The following FAM13A variants were observed in gnomAD, a reference collection of about 807,000 sequenced individuals.
FAM13A encodes the protein family with sequence similarity 13 member A.
A neutral mutation model predicts 129.6 loss-of-function variants in FAM13A; 76 were observed. The ratio of observed to expected loss-of-function variants is 0.59; its 90% CI spans 0.49 to 0.71. The LOEUF (loss-of-function observed/expected upper bound fraction) is 0.71, where lower values mean the gene tolerates loss of function less well. Among genes scored for constraint, FAM13A ranks in the 30% least tolerant of loss-of-function variants. The pLI, the probability that FAM13A is intolerant of heterozygous loss-of-function variation, is 0.00. For missense variants in FAM13A, 1,108 were observed against 1,249.3 expected (o/e 0.89, Z 1.70); for synonymous variants, 443 against 449.9 (o/e 0.98, Z 0.20).
intron 6 of FAM13A, among the ~76,000 whole-genome samples, chr4:88,871,354 A>T (rs892858378): frequency 2.6e-5 from 4 of 152,180 alleles, no homozygotes; most frequent in African/African-American, 7.2e-5. Flanking sequence ...CTTCGAGCTA[A>T]AGGAGGATGT....
In FAM13A at chr4:88,738,934, C is replaced by T. The variant is rs563242144; in HGVS notation, c.2562+96G>A. The T allele has an allele frequency of 2.1e-5, 17 of 801,436 alleles. No homozygotes were observed. The East Asian group carries it at 4.0e-4, about 19-fold the overall frequency. The allele number at this position is 801,436 out of a possible 1,614,324, so 49.6% of individuals were successfully genotyped here. On this transcript the variant is annotated intron_variant, in intron 20 of 23. Transcript: ENST00000264344. ...GCTGATTCAGCAATTAAAGCCTATTCTTTAATGAGAAAGCAGGTTAGGGCC... is the reference window on the plus strand; with the variant it reads ...GCTGATTCAGCAATTAAAGCCTATTTTTTAATGAGAAAGCAGGTTAGGGCC...
intron 5 of FAM13A, among the ~76,000 whole-genome samples, chr4:88,909,945 A>G (rs553444588): frequency 6.6e-6 from 1 of 152,354 alleles, no homozygotes; most frequent in African/African-American, 2.4e-5. Context: ...CCATGTAAAG[A>G]ACGTTCCCAC....
rs536495668 is a variant in FAM13A, at chr4:88,865,882, T to C, written c.844-14699A>G. On this transcript the variant is annotated intron_variant, in intron 6 of 23. Transcript: ENST00000264344. ...AACTTTTTCCTTTGTCTCTCTCTTT[T>C]TTTTTTTTTTTTTTTTTTTTTTTTT... Among the ~76,000 whole-genome samples the C allele has an allele frequency of 4.4e-3, 548 of 125,728 alleles. 6 individuals are homozygous for C. The highest frequency in any genetic ancestry group is 7.8e-3 in the African/African-American group (245 of 31,506). The allele number at this position is 125,728 out of a possible 152,430, so 82.5% of individuals were successfully genotyped here.
intron 4 of FAM13A, among the ~76,000 whole-genome samples, chr4:88,980,371 T>C (rs1347679406): frequency 6.6e-6 from 1 of 152,172 alleles, no homozygotes; most frequent in Non-Finnish European, 1.5e-5. Flanking sequence ...GTTACTTTTG[T>C]AATAAAAACA....
chr4:88,888,997 T>C (rs1744921249), intron 6 of FAM13A, among the ~76,000 whole-genome samples: 1 of 150,500 alleles, frequency 6.6e-6, no homozygotes, highest in South Asian at 2.1e-4. Context: ...GTAGGAAAGC[T>C]GCATAGTTGA....
chr4:88,808,428 T>A (rs902727725), intron 7 of FAM13A, among the ~76,000 whole-genome samples: 11 of 152,164 alleles, frequency 7.2e-5, no homozygotes, highest in African/African-American at 2.4e-4. Flanking sequence ...CAAAACATCT[T>A]TAACAAAGAT....
chr4:88,938,754 T>G (rs1217944246), intron 4 of FAM13A, among the ~76,000 whole-genome samples: 1 of 152,220 alleles, frequency 6.6e-6, no homozygotes, highest in African/African-American at 2.4e-5. Flanking sequence ...TTCTTTTGAA[T>G]GTACTTAAAA....
At chr4:88,843,511 T>C (rs1208464500) in intron 7 of FAM13A, among the ~76,000 whole-genome samples, 4 of 152,142 alleles carry the variant, frequency 2.6e-5, no homozygotes, top group African/African-American at 2.4e-5. Flanking sequence ...GTAATTGGAG[T>C]GCCCTTTATG....
intron 1 of FAM13A, among the ~76,000 whole-genome samples, chr4:89,054,404 A>G (rs143792000): frequency 2.6e-5 from 4 of 152,238 alleles, no homozygotes; most frequent in Non-Finnish European, 5.9e-5. Context: ...GTTGCTACAT[A>G]TATGTATAAG....
At chr4:88,817,920 T>C (rs1175503932) in intron 7 of FAM13A, among the ~76,000 whole-genome samples, 1 of 152,210 alleles carries the variant, frequency 6.6e-6, no homozygotes, top group African/African-American at 2.4e-5. Context: ...CAACATACCC[T>C]TTACATCTGA....
chr4:88,747,659 G>C lies in FAM13A; in HGVS notation c.2354C>G (p.Ala785Gly). 6.2e-7 allele frequency: 1 copy of C among 1,614,076 alleles called. No homozygotes were observed. The highest frequency in any genetic ancestry group is 8.5e-7 in the Non-Finnish European group (1 of 1,179,992). ...SIQRKLQEKR[A>G]ESSRPEDIKD... ...AATGTCCTCAGGGCGGCTGCTTTCCGCTCGCTTCTCCTGGAGCTTCCTCTG... is the reference window on the plus strand; with the variant it reads ...AATGTCCTCAGGGCGGCTGCTTTCCCCTCGCTTCTCCTGGAGCTTCCTCTG... The change falls in exon 18 of 24, where the codon GCG (alanine) becomes GGG (glycine). Residue 785 changes from alanine (A) to glycine (G), a missense_variant. Around this residue, in one of 3 missense-constraint regions of FAM13A, gnomAD observed 529 missense variants for 621.2 expected, o/e 0.85. Coordinates refer to ENST00000264344, the MANE Select transcript of FAM13A (RefSeq NM_014883.4).
At chr4:88,743,932 T>C (rs949759746) in intron 19 of FAM13A, among the ~76,000 whole-genome samples, 1 of 152,214 alleles carries the variant, frequency 6.6e-6, no homozygotes, top group African/African-American at 2.4e-5. Flanking sequence ...ATCATCAAAC[T>C]GCTAGAAGGA....
chr4:88,925,349 C>T (rs1034105650), intron 5 of FAM13A, among the ~76,000 whole-genome samples: 13 of 152,254 alleles, frequency 8.5e-5, no homozygotes, highest in East Asian at 5.8e-4. Context: ...ATGTGGCACA[C>T]ATACACCACG....
chr4:88,950,946 G>T (rs553439123), intron 4 of FAM13A, among the ~76,000 whole-genome samples: 1 of 152,194 alleles, frequency 6.6e-6, no homozygotes, highest in Non-Finnish European at 1.5e-5. Context: ...CAGAGAACCT[G>T]CATTAGATAG....
rs199936595 is a variant in FAM13A at position 88,944,212 on chromosome 4, C to CA, written c.606-5972dup. Among the ~76,000 whole-genome samples the CA allele has an allele frequency of 5.1e-3, 782 of 152,218 alleles. 9 individuals are homozygous for CA. The highest frequency in any genetic ancestry group is 0.017 in the African/African-American group (720 of 41,524). The stretch of plus-strand genomic sequence containing the variant: ...ACCCTCATTTTAAAAATTAGCTGGG[C>CA]ATGATGGCATGCGCCTATGGTTCCA... On this transcript the variant is annotated intron_variant, in intron 4 of 23. Coordinates refer to ENST00000264344, the MANE Select transcript of FAM13A (RefSeq NM_014883.4).
At chr4:88,802,225 C>A (rs1282966966) in intron 8 of FAM13A, among the ~76,000 whole-genome samples, 1 of 152,148 alleles carries the variant, frequency 6.6e-6, no homozygotes, top group Non-Finnish European at 1.5e-5. Context: ...TTGGCATAAC[C>A]TATTTTTCCT....
chr4:88,928,159 A>G (rs1752493769), intron 5 of FAM13A, among the ~76,000 whole-genome samples: 1 of 152,048 alleles, frequency 6.6e-6, no homozygotes, highest in South Asian at 2.1e-4. Flanking sequence ...TCCTTTTGGT[A>G]TTAATTTCTA....
chr4:88,981,583 C>T (rs1264503765), intron 4 of FAM13A, among the ~76,000 whole-genome samples: 1 of 151,948 alleles, frequency 6.6e-6, no homozygotes, highest in Admixed American at 6.6e-5. Context: ...AGCAGATCCT[C>T]AAGAAACCCA....
intron 8 of FAM13A, among the ~76,000 whole-genome samples, chr4:88,790,915 C>T (rs1181890325): frequency 2.6e-5 from 4 of 152,142 alleles, no homozygotes; most frequent in Non-Finnish European, 4.4e-5. Context: ...CCTATTGCCA[C>T]AGCAGCCCTA....
Sources: gnomAD v4.1 joint callset for allele counts (sites outside exome capture counted in the v4.1 genomes callset) on GRCh38, gnomAD v4.1.1 for gene constraint, gnomAD v4.1.1 regional missense constraint, MANE v1.5 for transcripts, NCBI Gene and HGNC (gene_info 2026-07-23, HGNC 2026-07-21) for gene names.